RCC1L: variants seen among roughly 807,000 people sequenced by gnomAD.
RCC1L encodes RCC1-like G exchanging factor-like protein.
In RCC1L, 46 loss-of-function variants were observed where a neutral mutation model predicts 58.6. The ratio of observed to expected loss-of-function variants is 0.79; its 90% CI spans 0.62 to 1.00. The LOEUF is 1.00. RCC1L is among the 50% of genes least tolerant of loss of function. The probability of loss-of-function intolerance (pLI) is 0.00; values close to 1 mark genes in which losing one functional copy is unlikely to be tolerated. For synonymous variants in RCC1L, 281 were observed against 262.9 expected, an observed-to-expected ratio of 1.07 and a Z score of -0.67; for missense variants, 636 against 623.6, an observed-to-expected ratio of 1.02 and a Z score of -0.21.
Position 75,055,780 on chromosome 7 carries a change from G to A in RCC1L, c.1231+121C>T, listed in dbSNP as rs1806056951. ...GGCTTAGCCCTTGCTTGAGTTATCA[G>A]TACAAAGGCGCCGTTCTGTTGGATG... On this transcript the variant is annotated intron_variant, in intron 9 of 10. Coordinates refer to ENST00000610322, the MANE Select transcript of RCC1L (RefSeq NM_030798.5). The A allele has an allele frequency of 4.2e-6, 5 of 1,190,498 alleles. No individual in the cohort carries two copies. In the Admixed American group the frequency reaches 5.7e-5, roughly 14 times the overall value. 73.7% of individuals were successfully genotyped at this position (1,190,498 alleles called of 1,614,324 possible).
chr7:75,057,547 C>T lies in RCC1L; in HGVS notation c.1039G>A (p.Gly347Ser). The T allele has an allele frequency of 6.2e-7, 1 of 1,613,946 alleles. No individual in the cohort carries two copies. The highest frequency in any genetic ancestry group is 8.5e-7 in the Non-Finnish European group (1 of 1,179,856). Residue 347 changes from glycine (G) to serine (S), a missense_variant, in exon 8 of 11, where the codon GGC becomes AGC. Physicochemically the swap from Gly to Ser is moderately conservative, Grantham distance 56. Coordinates refer to ENST00000610322, the MANE Select transcript of RCC1L (RefSeq NM_030798.5). ...KVRQAACGGTGCAVLNGEGHV... is the reference protein window; with the variant it reads ...KVRQAACGGTSCAVLNGEGHV... ...GTCTCACCGTTTAACACTGCACAGC[C>T]CGTGCCACCGCATGCAGCCTGTCGC...
intron 2 of RCC1L, among the ~76,000 whole-genome samples, chr7:75,068,511 C>T (rs1020628255): frequency 3.3e-5 from 5 of 151,920 alleles, no homozygotes; most frequent in Admixed American, 2.6e-4. Flanking sequence ...CGTGGTGAAA[C>T]CCCCGTCTCT....
intron 8 of RCC1L, chr7:75,056,561 T>G: frequency 6.5e-7 from 1 of 1,530,520 alleles, no homozygotes; most frequent in East Asian, 2.5e-5. Flanking sequence ...AGATATTTCA[T>G]CGTTATCCAA....
chr7:75,047,291 G>A (rs1805753777), intron 10 of RCC1L, among the ~76,000 whole-genome samples: 1 of 152,108 alleles, frequency 6.6e-6, no homozygotes, highest in Admixed American at 6.5e-5. Flanking sequence ...TTAGAGACAA[G>A]GTCTTGTTCT....
Position 75,058,756 on chromosome 7 carries a change from G to T in RCC1L, c.801C>A (p.Tyr267Ter), listed in dbSNP as rs1316972583. The T allele has an allele frequency of 5.0e-6, 8 of 1,613,954 alleles. No homozygotes were observed. Among genetic ancestry groups the T allele is most frequent in the Non-Finnish European group, 6.8e-6 (8 of 1,179,840 alleles). The change falls in exon 7 of 11, where the codon TAC becomes TAA. Residue 267 changes from tyrosine (Y) to a stop codon, truncating the protein, a stop_gained. Coordinates refer to ENST00000610322, the MANE Select transcript of RCC1L (RefSeq NM_030798.5). LOFTEE classifies it high-confidence loss of function. ...GCTTGGTGGGCGAGCTGGTGATATT[G>T]TAGTGACCCAGACCTAACACAGTGG... ...GADGQTGLGHYNITSSPTKLG... is the reference protein window; with the variant it reads ...GADGQTGLGH
intron 4 of RCC1L, among the ~76,000 whole-genome samples, chr7:75,064,283 T>C (rs1038761845): frequency 2.0e-5 from 3 of 151,018 alleles, no homozygotes; most frequent in East Asian, 1.9e-4. Flanking sequence ...TGAGCCGAGA[T>C]TGCGCCTCTG....
intron 2 of RCC1L, among the ~76,000 whole-genome samples, chr7:75,069,449 C>T (rs371599163): frequency 7.4e-5 from 11 of 148,496 alleles, no homozygotes; most frequent in African/African-American, 1.5e-4. Context: ...CAAGCAATCC[C>T]TCCCATCTCG....
At chr7:75,073,302 G>T in intron 1 of RCC1L, 112 bp downstream of exon 1, 1 of 483,598 alleles carries the variant, frequency 2.1e-6, no homozygotes, top group Non-Finnish European at 3.4e-6. Context: ...TCGTCCTGCC[G>T]GAAGTCTGTC....
intron 10 of RCC1L, among the ~76,000 whole-genome samples, chr7:75,043,578 C>T (rs1805628884): frequency 6.6e-6 from 1 of 152,172 alleles, no homozygotes; most frequent in Non-Finnish European, 1.5e-5. Flanking sequence ...TAAGAAGCTC[C>T]AGGGGCTGGG....
chr7:75,031,472 A>C (rs1485158199), intron 10 of RCC1L, among the ~76,000 whole-genome samples: 6 of 152,162 alleles, frequency 3.9e-5, no homozygotes, highest in African/African-American at 1.2e-4. Flanking sequence ...ATGTTCCCCC[A>C]AAAAAGACAG....
Position 75,060,063 on chromosome 7 carries a change from C to T in RCC1L, c.787+1144G>A, listed in dbSNP as rs587599337. On this transcript the variant is annotated intron_variant, in intron 6 of 10. Transcript: ENST00000610322. ...AGGCATGAGCCACCGCGCCCGGCCC[C>T]GATCTTTTTACTGTCTCCATAGTTT... Among the ~76,000 whole-genome samples the T allele has an allele frequency of 2.0e-5, 3 of 152,188 alleles. No individual in the cohort carries two copies. The East Asian group carries it at 5.8e-4, about 29-fold the overall frequency.
chr7:75,042,068 G>T (rs1161343577), downstream of RCC1L: 4 of 590,580 alleles, frequency 6.8e-6, no homozygotes, highest in Admixed American at 6.4e-5. Context: ...AAAATAAAAA[G>T]ACCTCATCTC....
At chr7:75,047,641 T>C (rs1805767442) in intron 10 of RCC1L, among the ~76,000 whole-genome samples, 1 of 150,182 alleles carries the variant, frequency 6.7e-6, no homozygotes. Flanking sequence ...GATGAATAAA[T>C]AAAATTATAT....
chr7:75,040,470 A>G (rs1473423468), downstream of RCC1L, among the ~76,000 whole-genome samples: 1 of 152,020 alleles, frequency 6.6e-6, no homozygotes, highest in Non-Finnish European at 1.5e-5. Context: ...AAACAAACAA[A>G]CAAAAAAGAT....
At chr7:75,030,098 G>A (rs1805258662) in intron 10 of RCC1L, among the ~76,000 whole-genome samples, 1 of 152,270 alleles carries the variant, frequency 6.6e-6, no homozygotes, top group African/African-American at 2.4e-5. Flanking sequence ...GGACAGCCTG[G>A]TGGCCGAGAG....
chr7:75,068,188 A>C (rs1286108644), intron 2 of RCC1L, among the ~76,000 whole-genome samples: 2 of 151,508 alleles, frequency 1.3e-5, no homozygotes, highest in Non-Finnish European at 2.9e-5. Context: ...GCATGGTGGC[A>C]CATGCCTGTA....
At position 75,073,775 on chromosome 7, in the gene RCC1L, A is replaced by G; in HGVS notation, c.-38T>C. 2.7e-6 allele frequency: 4 copies of G among 1,491,640 alleles called. No individual in the cohort carries two copies. The highest frequency in any genetic ancestry group is 2.7e-6 in the Non-Finnish European group (3 of 1,128,446). 92.4% of individuals were successfully genotyped at this position (1,491,640 alleles called of 1,614,324 possible). On this transcript the variant is annotated 5_prime_UTR_variant, in exon 1 of 11. It removes an upstream start codon present in the reference 5' UTR. Coordinates refer to ENST00000610322, the MANE Select transcript of RCC1L (RefSeq NM_030798.5). Reference sequence around the variant, plus strand: ...GCCTCAGCAGCCTCTGGGCGCCGCCATCTTGCGTGACCCTTAACACCAGTC... The same window carrying G: ...GCCTCAGCAGCCTCTGGGCGCCGCCGTCTTGCGTGACCCTTAACACCAGTC...
rs1175414942 is a variant in RCC1L, at chr7:75,052,743, C to T, written c.1285G>A (p.Gly429Ser). The T allele has an allele frequency of 1.9e-5, 30 of 1,613,184 alleles. No homozygotes were observed. Among genetic ancestry groups the T allele is most frequent in the Non-Finnish European group, 2.4e-5 (28 of 1,179,694 alleles). The change falls in exon 10 of 11, where the codon GGT becomes AGT. Residue 429 changes from glycine to serine, a missense_variant. By Grantham distance (56) the Gly-to-Ser change is moderately conservative. Transcript: ENST00000610322. ...GGGAAATACTGGTCCTCCAGGCGAC[C>T]GATTCCCAGGCACCCTCGGATGTTC... ...GKNIRGCLGI[G>S]RLEDQYFPWR...
At chr7:75,052,489 C>T (rs898462497) in intron 10 of RCC1L, among the ~76,000 whole-genome samples, 2 of 152,266 alleles carry the variant, frequency 1.3e-5, no homozygotes, top group Non-Finnish European at 2.9e-5. Context: ...GTCACTCCCC[C>T]ACGCATCACA....
Sources: gnomAD v4.1 joint callset for allele counts (sites outside exome capture counted in the v4.1 genomes callset) on GRCh38, gnomAD v4.1.1 for gene constraint, MANE v1.5 for transcripts, NCBI Gene and HGNC (gene_info 2026-07-23, HGNC 2026-07-21) for gene names.